The following CFAP299 variants were observed in gnomAD, a reference collection of about 807,000 sequenced individuals.
CFAP299 encodes cilia- and flagella-associated protein 299.
CFAP299 carries 21 observed loss-of-function variants against 27.0 expected under a neutral mutation model. The ratio of observed to expected loss-of-function variants is 0.78; its 90% confidence interval spans 0.55 to 1.12. The LOEUF (loss-of-function observed/expected upper bound fraction) is 1.12. Among genes scored for constraint, CFAP299 ranks in the 50% most tolerant of loss-of-function variants. The pLI is 0.00. For synonymous variants in CFAP299, 104 were observed against 98.1 expected (o/e 1.06, Z -0.36); for missense variants, 310 against 276.6 (o/e 1.12, Z -0.86).
chr4:80,362,547 G>A (rs1723603822), intron 1 of CFAP299, among the ~76,000 whole-genome samples: 1 of 151,768 alleles, frequency 6.6e-6, no homozygotes, highest in Non-Finnish European at 1.5e-5. Flanking sequence ...TATGGGAAAG[G>A]GAAGACCAAA....
intron 3 of CFAP299, among the ~76,000 whole-genome samples, chr4:80,728,073 CAATTTCAA>C (rs1471262431): frequency 6.6e-6 from 1 of 151,864 alleles, no homozygotes; most frequent in African/African-American, 2.4e-5. Context: ...TGAAACATTG[CAATTTCAA>C]AATTAATAAC....
At chr4:80,732,347 A>G (rs1723585234) in intron 3 of CFAP299, among the ~76,000 whole-genome samples, 4 of 152,228 alleles carry the variant, frequency 2.6e-5, no homozygotes, top group Middle Eastern at 3.4e-3. Context: ...CTTCCATTAC[A>G]CATTGACCTT....
At chr4:80,901,530 T>G (rs1212090046) in intron 4 of CFAP299, among the ~76,000 whole-genome samples, 2 of 152,164 alleles carry the variant, frequency 1.3e-5, no homozygotes, top group African/African-American at 4.8e-5. Context: ...CTTTGCCACT[T>G]TTAAGATGCT....
chr4:80,669,876 A>G (rs1741374189), intron 3 of CFAP299, among the ~76,000 whole-genome samples: 1 of 151,862 alleles, frequency 6.6e-6, no homozygotes, highest in South Asian at 2.1e-4. Flanking sequence ...CCAACTCATT[A>G]AGGGTTTTTT....
the CFAP299 span, among the ~76,000 whole-genome samples, chr4:80,324,628 C>T: frequency 2.8e-4 from 42 of 152,274 alleles, no homozygotes; most frequent in African/African-American, 9.4e-4. Flanking sequence ...TCCTCTGTCT[C>T]GATGTTCTGT....
At chr4:80,475,384 A>G (rs545336170) in intron 2 of CFAP299, among the ~76,000 whole-genome samples, 9 of 152,284 alleles carry the variant, frequency 5.9e-5, no homozygotes, top group African/African-American at 1.9e-4. Context: ...TGGTGGAGGA[A>G]GTGGTTTGTG....
intron 3 of CFAP299, among the ~76,000 whole-genome samples, chr4:80,831,588 A>G (rs965619101): frequency 2.6e-5 from 4 of 152,104 alleles, no homozygotes; most frequent in Non-Finnish European, 4.4e-5. Context: ...ACCTATTCCC[A>G]TTCTTCTAAA....
intron 2 of CFAP299, among the ~76,000 whole-genome samples, chr4:80,558,526 C>T (rs115159803): frequency 0.011 from 1,626 of 151,684 alleles, 32 homozygotes; most frequent in African/African-American, 0.036. Flanking sequence ...TAAGAAGGCA[C>T]AGATCAACAC....
rs564214554 is a variant in CFAP299, at chr4:80,963,036, A to C, written c.607-481A>C. On this transcript the variant is annotated intron_variant, in intron 5 of 5. Coordinates refer to ENST00000358105, the MANE Select transcript of CFAP299 (RefSeq NM_152770.3). ...ATTTGAAGGAAGAAAAAAAAAGCAG[A>C]TCAAGTAGTTTTTAAAGTGATTAGA... Among the ~76,000 whole-genome samples the C allele has an allele frequency of 1.6e-4, 25 of 152,222 alleles. 1 individual carries two copies. The South Asian group carries it at 4.8e-3, about 29-fold the overall frequency.
intron 2 of CFAP299, among the ~76,000 whole-genome samples, chr4:80,368,679 A>C (rs1384446621): frequency 1.3e-5 from 2 of 152,218 alleles, no homozygotes; most frequent in East Asian, 1.9e-4. Context: ...ATTTTATATA[A>C]GAATGGCTTT....
intron 3 of CFAP299, among the ~76,000 whole-genome samples, chr4:80,775,182 A>G (rs1245634988): frequency 2.0e-5 from 3 of 151,974 alleles, no homozygotes; most frequent in Non-Finnish European, 4.4e-5. Flanking sequence ...AAATCCCTAT[A>G]TAGGTAACCC....
chr4:80,785,526 G>GC (rs1006598537), intron 3 of CFAP299, among the ~76,000 whole-genome samples: 2 of 152,054 alleles, frequency 1.3e-5, no homozygotes, highest in African/African-American at 2.4e-5. Context: ...TGCATTAAAT[G>GC]CCCCAAACAT....
intron 2 of CFAP299, among the ~76,000 whole-genome samples, chr4:80,514,935 A>T (rs568965529): frequency 6.6e-6 from 1 of 152,188 alleles, no homozygotes; most frequent in South Asian, 2.1e-4. Flanking sequence ...AGTTTTCTTA[A>T]TTCAAAGAGT....
At chr4:80,678,070 T>G (rs529944240) in intron 3 of CFAP299, among the ~76,000 whole-genome samples, 10 of 152,058 alleles carry the variant, frequency 6.6e-5, no homozygotes, top group Non-Finnish European at 1.3e-4. Flanking sequence ...ATCAATCTAG[T>G]TGTAATACAT....
chr4:80,957,032 T>G (rs1241580265), intron 5 of CFAP299, among the ~76,000 whole-genome samples: 1 of 152,172 alleles, frequency 6.6e-6, no homozygotes, highest in African/African-American at 2.4e-5. Flanking sequence ...AGGAAAATAG[T>G]TACATATATT....
intron 2 of CFAP299, among the ~76,000 whole-genome samples, chr4:80,445,913 T>C (rs967029517): frequency 6.6e-6 from 1 of 152,200 alleles, no homozygotes; most frequent in Non-Finnish European, 1.5e-5. Flanking sequence ...CATTGTATGC[T>C]AAAGATGTGT....
intron 1 of CFAP299, among the ~76,000 whole-genome samples, 189 bp from the exon 2 acceptor site, chr4:80,362,565 T>C (rs1262881507): frequency 6.6e-6 from 1 of 152,096 alleles, no homozygotes; most frequent in Non-Finnish European, 1.5e-5. Context: ...AAATCAGATG[T>C]GTATAAATGT....
intron 2 of CFAP299, among the ~76,000 whole-genome samples, chr4:80,464,956 A>G (rs2110109974): frequency 6.6e-6 from 1 of 152,286 alleles, no homozygotes; most frequent in East Asian, 1.9e-4. Context: ...GAATGGTATT[A>G]AAGTTATAAA....
chr4:80,386,655 G>A (rs1218751643), intron 2 of CFAP299: 9 of 1,590,764 alleles, frequency 5.7e-6, no homozygotes, highest in Admixed American at 5.1e-5. Context: ...GTGTGGGCGC[G>A]CAGGTGCTCG....
Sources: allele counts gnomAD v4.1 joint callset (sites outside exome capture counted in the v4.1 genomes callset), GRCh38; gene constraint gnomAD v4.1.1; transcripts MANE v1.5; gene names NCBI Gene and HGNC (gene_info 2026-07-23, HGNC 2026-07-21).